ANKFN1: variants seen among roughly 807,000 people sequenced by gnomAD.
The protein encoded by ANKFN1 is ankyrin repeat and fibronectin type-III domain-containing protein 1.
ANKFN1 carries 74 observed loss-of-function variants against 108.7 expected under a neutral mutation model. That is an observed-to-expected ratio of 0.68 (90% CI 0.56 to 0.83). The LOEUF is 0.83. Among genes scored for constraint, ANKFN1 ranks in the 40% least tolerant of loss-of-function variants. The pLI is 0.00. For missense variants in ANKFN1, 1,505 were observed against 1,382.3 expected, an observed-to-expected ratio of 1.09 and a Z score of -1.41; for synonymous variants, 547 against 516.2, an observed-to-expected ratio of 1.06 and a Z score of -0.81.
chr17:56,419,217 C>T (rs761861409), intron 8 of ANKFN1, among the ~76,000 whole-genome samples: 28 of 152,218 alleles, frequency 1.8e-4, no homozygotes, highest in Admixed American at 1.5e-3. Context: ...TGCAGTGGCT[C>T]ACGCCTGTAA....
intron 4 of ANKFN1, among the ~76,000 whole-genome samples, chr17:56,144,790 CAGATGT>C (rs1295229900): frequency 6.6e-6 from 1 of 152,156 alleles, no homozygotes; most frequent in Non-Finnish European, 1.5e-5. Flanking sequence ...AGCATTGGAG[CAGATGT>C]CTGAGGCACA....
chr17:56,261,998 G>A (rs2043523938), intron 3 of ANKFN1, among the ~76,000 whole-genome samples: 1 of 152,166 alleles, frequency 6.6e-6, no homozygotes, highest in South Asian at 2.1e-4. Flanking sequence ...AGAATCATTA[G>A]CCTAAGGGAT....
intron 14 of ANKFN1, among the ~76,000 whole-genome samples, chr17:56,461,461 C>T (rs926920076): frequency 7.2e-5 from 11 of 152,158 alleles, no homozygotes; most frequent in African/African-American, 2.4e-4. Context: ...GGTCTTTCTC[C>T]GTATCCTTTG....
chr17:56,398,825 A>G (rs943585030), intron 8 of ANKFN1, among the ~76,000 whole-genome samples: 1 of 152,170 alleles, frequency 6.6e-6, no homozygotes, highest in Non-Finnish European at 1.5e-5. Context: ...CCCATGTGAT[A>G]TTATGAAGAA....
chr17:56,248,111 G>A (rs1158244547), intron 3 of ANKFN1, among the ~76,000 whole-genome samples: 1 of 152,242 alleles, frequency 6.6e-6, no homozygotes, highest in Non-Finnish European at 1.5e-5. Context: ...CTGGCCTTTT[G>A]GTCCATTACA....
intron 4 of ANKFN1, among the ~76,000 whole-genome samples, chr17:56,085,180 C>CATATATATATATATATATATATATAT (rs10572105): frequency 7.6e-4 from 104 of 137,730 alleles, no homozygotes; most frequent in African/African-American, 2.7e-3. Flanking sequence ...CCCTCCAAAG[C>CATATATATATATATATATATATATAT]ATATATATAT....
At chr17:56,326,516 A>G (rs2045521076) in intron 4 of ANKFN1, among the ~76,000 whole-genome samples, 161 bp downstream of exon 4, 1 of 151,934 alleles carries the variant, frequency 6.6e-6, no homozygotes, top group Admixed American at 6.6e-5. Flanking sequence ...ACACACAAGC[A>G]CACACACACA....
chr17:56,082,777 G>A (rs1905263879), intron 4 of ANKFN1, among the ~76,000 whole-genome samples: 1 of 152,174 alleles, frequency 6.6e-6, no homozygotes, highest in African/African-American at 2.4e-5. Context: ...CCTTGTTGGT[G>A]AGTTACTCTC....
At chr17:56,073,723 G>A (rs1905146895) in intron 4 of ANKFN1, among the ~76,000 whole-genome samples, 1 of 152,146 alleles carries the variant, frequency 6.6e-6, no homozygotes, top group Non-Finnish European at 1.5e-5. Flanking sequence ...TGTTTCTGTG[G>A]ATTTACCTAT....
intron 3 of ANKFN1, among the ~76,000 whole-genome samples, chr17:56,275,416 A>C (rs2144208185): frequency 6.6e-6 from 1 of 152,294 alleles, no homozygotes. Flanking sequence ...TCTATGTAAG[A>C]ACCACTACCA....
At chr17:56,102,591 C>G (rs1371603683) in intron 4 of ANKFN1, among the ~76,000 whole-genome samples, 2 of 151,214 alleles carry the variant, frequency 1.3e-5, no homozygotes, top group East Asian at 3.9e-4. Flanking sequence ...TTAGAATCCA[C>G]TGGGGGAGAT....
At chr17:56,115,448 G>A (rs1464003179) in intron 4 of ANKFN1, among the ~76,000 whole-genome samples, 1 of 152,076 alleles carries the variant, frequency 6.6e-6, no homozygotes, top group African/African-American at 2.4e-5. Context: ...ATATAAAATT[G>A]TTACTCTCAC....
At chr17:56,147,697 AAAATTT>A (rs1908347866) in intron 4 of ANKFN1, among the ~76,000 whole-genome samples, 2 of 152,210 alleles carry the variant, frequency 1.3e-5, no homozygotes, top group Non-Finnish European at 2.9e-5. Flanking sequence ...GGACACAGCC[AAAATTT>A]ATCACTGTAC....
intron 4 of ANKFN1, among the ~76,000 whole-genome samples, chr17:56,133,183 G>A (rs1425802636): frequency 2.6e-5 from 4 of 152,154 alleles, no homozygotes; most frequent in Admixed American, 6.5e-5. Context: ...ACTGTCATTA[G>A]GTGTATATAT....
intron 2 of ANKFN1, among the ~76,000 whole-genome samples, chr17:56,222,118 C>T (rs7224638): frequency 0.16 from 24,526 of 152,070 alleles, 3,202 homozygotes; most frequent in African/African-American, 0.36. Context: ...AGCAGGACTG[C>T]TTGTTTTAGA....
intron 8 of ANKFN1, among the ~76,000 whole-genome samples, chr17:56,406,316 G>C (rs1183960396): frequency 6.6e-6 from 1 of 152,040 alleles, no homozygotes; most frequent in Non-Finnish European, 1.5e-5. Flanking sequence ...ACAAACAGGA[G>C]AAAACAATAC....
chr17:56,390,755 G>A (rs750027840), intron 8 of ANKFN1, among the ~76,000 whole-genome samples: 5 of 151,988 alleles, frequency 3.3e-5, no homozygotes, highest in African/African-American at 1.2e-4. Context: ...GGCATGAGAT[G>A]GTATCTCATT....
rs1334394172 is a variant in ANKFN1, at chr17:56,350,881, G to C, written c.304G>C (p.Glu102Gln). 1 of 1,613,780 alleles carries C rather than the reference G, an allele frequency of 6.2e-7. No individual in the cohort carries two copies. ...AAKRLYRNLSEKLKGSHSSFD... is the reference protein window; with the variant it reads ...AAKRLYRNLSQKLKGSHSSFD... ...CAAACGCCTGTACAGGAACCTCTCT[G>C]AGAAACTGAAAGGGAGCCACTCTTC... Residue 102 changes from glutamate (E) to glutamine (Q), a missense_variant, in exon 5 of 21, where the codon GAG (glutamate) becomes CAG (glutamine). Transcript: ENST00000682825.
chr17:56,089,573 A>T (rs936332606), intron 4 of ANKFN1, among the ~76,000 whole-genome samples: 5 of 151,366 alleles, frequency 3.3e-5, no homozygotes, highest in Non-Finnish European at 7.4e-5. Context: ...TTATTTTAAG[A>T]TTTGCCAGTA....
Sources: allele counts gnomAD v4.1 joint callset (sites outside exome capture counted in the v4.1 genomes callset), GRCh38; gene constraint gnomAD v4.1.1; transcripts MANE v1.5; gene names NCBI Gene and HGNC (gene_info 2026-07-23, HGNC 2026-07-21).